Variants in SPAG1 observed in about 807,000 individuals in gnomAD.
The protein encoded by SPAG1 is sperm-associated antigen 1.
In SPAG1, 69 loss-of-function variants were observed where a neutral mutation model predicts 100.5. That is an observed-to-expected ratio of 0.69 (90% CI 0.57 to 0.84). SPAG1 has a LOEUF of 0.84. SPAG1 is among the 40% of genes least tolerant of loss of function. The pLI is 0.00. For synonymous variants in SPAG1, 336 were observed against 411.6 expected, an observed-to-expected ratio of 0.82 and a Z score of 2.22; for missense variants, 955 against 1,133.1, an observed-to-expected ratio of 0.84 and a Z score of 2.26.
chr8:100,235,786 C>T (rs903044576), intron 16 of SPAG1, among the ~76,000 whole-genome samples: 1 of 152,092 alleles, frequency 6.6e-6, no homozygotes, highest in African/African-American at 2.4e-5. Context: ...ACCCCCGCCC[C>T]ATGCTGAGGG....
At chr8:100,235,486 G>A (rs532229258) in intron 16 of SPAG1, among the ~76,000 whole-genome samples, 1 of 152,296 alleles carries the variant, frequency 6.6e-6, no homozygotes, top group South Asian at 2.1e-4. Flanking sequence ...CTGGCTGGGT[G>A]GCTGAGGGTA....
At chr8:100,172,634 ATGTG>A (rs60155004) in intron 3 of SPAG1, among the ~76,000 whole-genome samples, 45,350 of 145,372 alleles carry the variant, frequency 0.31, 7,431 homozygotes, top group East Asian at 0.48. Context: ...AAAGAAATAT[ATGTG>A]TGTGTGTGTG....
intron 10 of SPAG1, among the ~76,000 whole-genome samples, chr8:100,203,398 G>C (rs140658086): frequency 6.6e-6 from 1 of 152,120 alleles, no homozygotes; most frequent in South Asian, 2.1e-4. Context: ...TTTAGTACCC[G>C]GAGTGGTTCC....
intron 7 of SPAG1, 62 bp from the exon 8 acceptor site, chr8:100,187,058 T>C (rs760074227): frequency 3.5e-5 from 53 of 1,523,930 alleles, no homozygotes; most frequent in Non-Finnish European, 4.5e-5. Context: ...TGAAGCTGAA[T>C]TTCTCTACAT....
intron 3 of SPAG1, among the ~76,000 whole-genome samples, chr8:100,169,164 T>A (rs1815708111): frequency 6.6e-6 from 1 of 152,236 alleles, no homozygotes; most frequent in South Asian, 2.1e-4. Context: ...AGGTCTATAA[T>A]CAGTTTTAAT....
chr8:100,214,293 T>C (rs1817872424), intron 12 of SPAG1, among the ~76,000 whole-genome samples: 2 of 152,248 alleles, frequency 1.3e-5, no homozygotes, highest in African/African-American at 4.8e-5. Flanking sequence ...TCGAAATAAC[T>C]GTAAACTTCT....
intron 13 of SPAG1, among the ~76,000 whole-genome samples, chr8:100,223,928 C>A (rs1160168340): frequency 6.6e-6 from 1 of 151,958 alleles, no homozygotes; most frequent in Non-Finnish European, 1.5e-5. Context: ...AAATTATGTG[C>A]ATTACATTTG....
Position 100,169,526 on chromosome 8 carries a change from G to T in SPAG1, c.300+3553G>T, listed in dbSNP as rs138836388. On this transcript the variant is annotated intron_variant, in intron 3 of 18. Transcript: ENST00000388798. Reference sequence around the variant, plus strand: ...GGCTGAGGCGGGTGGATCACTTGAGGTCGGGAGTTCAAGACCAGACTGGCC... The same window carrying T: ...GGCTGAGGCGGGTGGATCACTTGAGTTCGGGAGTTCAAGACCAGACTGGCC... Among the ~76,000 whole-genome samples, 3 of 152,300 alleles carry T rather than the reference G, an allele frequency of 2.0e-5. No individual in the cohort carries two copies. In the East Asian group the frequency reaches 5.8e-4, roughly 29 times the overall value.
At chr8:100,230,464 ACTCTGC>A (rs2132419618) in intron 14 of SPAG1, among the ~76,000 whole-genome samples, 1 of 152,048 alleles carries the variant, frequency 6.6e-6, no homozygotes, top group Admixed American at 6.5e-5. Context: ...CTTATTGGAG[ACTCTGC>A]CTCTTGTCAT....
intron 10 of SPAG1, among the ~76,000 whole-genome samples, chr8:100,207,554 GCAC>G (rs1817560443): frequency 6.6e-6 from 1 of 152,238 alleles, no homozygotes; most frequent in Non-Finnish European, 1.5e-5. Flanking sequence ...TTCAAGCAGT[GCAC>G]CTGGTGGTAC....
rs2132352957 is a variant in SPAG1, at chr8:100,213,255, G to A, written c.1262G>A (p.Arg421Gln). The change falls in exon 11 of 19, where the codon CGG becomes CAG. Residue 421 changes from arginine to glutamine, a missense_variant. Arg to Gln is a conservative substitution (Grantham distance 43). Transcript: ENST00000388798. ...EAGADKRSPR[R>Q]ASAAAAAGGG... ...GGCGCGGACAAGCGGAGCCCACGGCGGGCCTCTGCGGCGGCGGCGGCGGGC... is the reference window on the plus strand; with the variant it reads ...GGCGCGGACAAGCGGAGCCCACGGCAGGCCTCTGCGGCGGCGGCGGCGGGC... 2 of 1,216,606 alleles carry A rather than the reference G, an allele frequency of 1.6e-6. No individual in the cohort carries two copies. Among genetic ancestry groups the A allele is most frequent in the Non-Finnish European group, 2.0e-6 (2 of 981,068 alleles). 75.4% of individuals were successfully genotyped at this position (1,216,606 alleles called of 1,614,324 possible). A position where few individuals can be genotyped will look rare whatever the true frequency, so the allele number is the denominator to read the frequency against.
chr8:100,183,816 A>G, intron 5 of SPAG1, 140 bp from the exon 6 acceptor site: 1 of 534,162 alleles, frequency 1.9e-6, no homozygotes, highest in South Asian at 2.9e-5. Context: ...AGGAACTCAG[A>G]TGACTTGAAC....
intron 6 of SPAG1, 62 bp downstream of exon 6, chr8:100,184,124 G>C (rs1378574480): frequency 1.4e-6 from 1 of 724,568 alleles, no homozygotes; most frequent in African/African-American, 1.9e-5. Flanking sequence ...AATAAAAAGT[G>C]TCAATCTAGA....
chr8:100,170,302 TAA>T (rs1815757951), intron 3 of SPAG1, among the ~76,000 whole-genome samples: 2 of 152,250 alleles, frequency 1.3e-5, no homozygotes, highest in African/African-American at 4.8e-5. Context: ...CATGCTATTA[TAA>T]ATGTTAATAT....
intron 2 of SPAG1, among the ~76,000 whole-genome samples, chr8:100,164,849 C>T (rs1815479315): frequency 6.6e-6 from 1 of 152,222 alleles, no homozygotes; most frequent in Admixed American, 6.5e-5. Flanking sequence ...AATTACCATC[C>T]ATGATCCATA....
chr8:100,224,913 T>G (rs1341303284), intron 13 of SPAG1, among the ~76,000 whole-genome samples: 1 of 152,214 alleles, frequency 6.6e-6, no homozygotes, highest in African/African-American at 2.4e-5. Flanking sequence ...AATTTTATTA[T>G]GTATATGTTA....
At chr8:100,210,039 A>T (rs1817656599) in intron 10 of SPAG1, among the ~76,000 whole-genome samples, 1 of 152,152 alleles carries the variant, frequency 6.6e-6, no homozygotes, top group Non-Finnish European at 1.5e-5. Context: ...AGTGTTGAAT[A>T]GCCGTGGTGA....
At chr8:100,210,035 G>C (rs903258459) in intron 10 of SPAG1, among the ~76,000 whole-genome samples, 1 of 152,122 alleles carries the variant, frequency 6.6e-6, no homozygotes, top group South Asian at 2.1e-4. Context: ...GTACAGTGTT[G>C]AATAGCCGTG....
intron 6 of SPAG1, 26 bp from the exon 7 acceptor site, chr8:100,184,602 A>G (rs766108963): frequency 2.4e-6 from 3 of 1,253,150 alleles, no homozygotes; most frequent in Non-Finnish European, 2.2e-6. Context: ...ATACGTTTAC[A>G]TATAGCAGAT....
Sources: allele counts gnomAD v4.1 joint callset (sites outside exome capture counted in the v4.1 genomes callset), GRCh38; gene constraint gnomAD v4.1.1; transcripts MANE v1.5; gene names NCBI Gene and HGNC (gene_info 2026-07-23, HGNC 2026-07-21).